ROBO2: variants seen among roughly 807,000 people sequenced by gnomAD.
ROBO2 encodes roundabout guidance receptor 2.
In ROBO2, 53 loss-of-function variants were observed where a neutral mutation model predicts 160.8. The ratio of observed to expected loss-of-function variants is 0.33; its 90% CI spans 0.26 to 0.41. The LOEUF is 0.41. Among genes scored for constraint, ROBO2 ranks in the 10% least tolerant of loss-of-function variants. ROBO2 has a pLI of 1.00. For missense variants in ROBO2, 1,577 were observed against 1,722.4 expected (o/e 0.92, Z 1.49); for synonymous variants, 664 against 611.7 (o/e 1.09, Z -1.26).
intron 2 of ROBO2, among the ~76,000 whole-genome samples, chr3:77,230,159 C>G (rs2086991914): frequency 6.6e-6 from 1 of 152,128 alleles, no homozygotes; most frequent in East Asian, 1.9e-4. Context: ...ATAAGCTCAT[C>G]TCACTGCAGC....
intron 2 of ROBO2, among the ~76,000 whole-genome samples, chr3:76,685,059 T>C (rs891187183): frequency 2.4e-4 from 36 of 151,880 alleles, no homozygotes; most frequent in African/African-American, 8.2e-4. Context: ...ACATAGGACA[T>C]TTTTTCAATA....
At chr3:76,521,450 G>A (rs918109402) in intron 2 of ROBO2, among the ~76,000 whole-genome samples, 8 of 152,152 alleles carry the variant, frequency 5.3e-5, no homozygotes, top group Non-Finnish European at 1.2e-4. Flanking sequence ...GGCCCAAGGA[G>A]AACAGCAGAG....
intron 2 of ROBO2, among the ~76,000 whole-genome samples, chr3:77,296,319 G>C (rs1035470373): frequency 1.5e-4 from 23 of 152,014 alleles, no homozygotes; most frequent in African/African-American, 5.3e-4. Context: ...ATGGTTAAAC[G>C]GGCAAGCTGA....
At chr3:76,421,862 C>T (rs568945995) in intron 2 of ROBO2, among the ~76,000 whole-genome samples, 2 of 152,146 alleles carry the variant, frequency 1.3e-5, no homozygotes, top group East Asian at 3.9e-4. Flanking sequence ...ACATTTAGTC[C>T]CCAATTTTTA....
chr3:76,112,116 C>A (rs1223433860), intron 2 of ROBO2, among the ~76,000 whole-genome samples: 1 of 152,134 alleles, frequency 6.6e-6, no homozygotes, highest in African/African-American at 2.4e-5. Flanking sequence ...GCTTTCTTTG[C>A]CTTTGCTTCC....
chr3:76,432,616 G>A (rs35084548), intron 2 of ROBO2, among the ~76,000 whole-genome samples: 10,226 of 152,156 alleles, frequency 0.067, 380 homozygotes, highest in Non-Finnish European at 0.09. Flanking sequence ...AACCTCTCAC[G>A]ACATAGCAGC....
chr3:76,253,237 G>A (rs372125565), intron 2 of ROBO2, among the ~76,000 whole-genome samples: 1 of 151,972 alleles, frequency 6.6e-6, no homozygotes, highest in African/African-American at 2.4e-5. Context: ...TAAATCTAAT[G>A]TAATGAATAG....
chr3:76,485,737 AC>A (rs1435552624), intron 2 of ROBO2, among the ~76,000 whole-genome samples: 2 of 152,200 alleles, frequency 1.3e-5, no homozygotes, highest in Admixed American at 6.5e-5. Context: ...CAGATTACAT[AC>A]AAAATTTTGC....
chr3:76,758,313 T>C (rs2061103311), intron 2 of ROBO2, among the ~76,000 whole-genome samples: 1 of 151,752 alleles, frequency 6.6e-6, no homozygotes, highest in African/African-American at 2.4e-5. Flanking sequence ...TCTTAAAGAC[T>C]AGATGAGACA....
rs566020472 is a variant in ROBO2 at position 76,833,318 on chromosome 3, G to T, written c.110-264696G>T. 2.6e-5 allele frequency among the ~76,000 whole-genome samples: 4 copies of T among 152,178 alleles called. No homozygotes were observed. The South Asian group carries it at 6.2e-4, about 24-fold the overall frequency. On this transcript the variant is annotated intron_variant, in intron 2 of 26. Transcript: ENST00000487694. ...TTGAAACATGTGACAACTATTGGTG[G>T]CATCACATGCGTAGCCCCCAAAATT...
rs529945172 is a variant in ROBO2, at chr3:76,633,877, A to G, written c.110-464137A>G. On this transcript the variant is annotated intron_variant, in intron 2 of 26. Transcript: ENST00000487694. Reference sequence around the variant, plus strand: ...CCCACAGCCTCAGCTTCTAACTACTATGCCTCACTGATAACCCCAACAAGC... The same window carrying G: ...CCCACAGCCTCAGCTTCTAACTACTGTGCCTCACTGATAACCCCAACAAGC... Among the ~76,000 whole-genome samples the G allele has an allele frequency of 1.0e-3, 155 of 147,626 alleles. 2 individuals are homozygous for G. Among genetic ancestry groups the G allele is most frequent in the Admixed American group, 2.7e-3 (40 of 14,958 alleles).
chr3:76,440,951 C>A (rs1363076281), intron 2 of ROBO2, among the ~76,000 whole-genome samples: 1 of 152,152 alleles, frequency 6.6e-6, no homozygotes, highest in East Asian at 1.9e-4. Context: ...TCTAGCCTAA[C>A]TCCCAGCACA....
intron 1 of ROBO2, among the ~76,000 whole-genome samples, chr3:75,933,554 C>G (rs1410922483): frequency 6.6e-6 from 1 of 151,468 alleles, no homozygotes; most frequent in East Asian, 1.9e-4. Flanking sequence ...GAAAAACTGA[C>G]ACTAGAAGCT....
chr3:76,365,056 G>C (rs2075734033), intron 2 of ROBO2, among the ~76,000 whole-genome samples: 1 of 149,206 alleles, frequency 6.7e-6, no homozygotes, highest in African/African-American at 2.5e-5. Context: ...CCAGCTGAGT[G>C]ATTTTCTAAT....
chr3:76,848,262 C>T (rs1174825287), intron 2 of ROBO2, among the ~76,000 whole-genome samples: 5 of 152,156 alleles, frequency 3.3e-5, no homozygotes, highest in African/African-American at 7.2e-5. Context: ...TCTGGGATGT[C>T]TCATAGCCTT....
chr3:76,740,387 A>G (rs966907056), intron 2 of ROBO2, among the ~76,000 whole-genome samples: 2 of 152,150 alleles, frequency 1.3e-5, no homozygotes, highest in South Asian at 4.1e-4. Flanking sequence ...TCTGTGTGGA[A>G]TGTATTGAGA....
At chr3:77,093,378 C>A (rs765931670) in intron 1 of ROBO2, among the ~76,000 whole-genome samples, 1 of 152,008 alleles carries the variant, frequency 6.6e-6, no homozygotes, top group Non-Finnish European at 1.5e-5. Context: ...GTTCTCAGTC[C>A]CCAGTGAGTT....
At chr3:77,447,485 A>G (rs1487267304) in intron 2 of ROBO2, among the ~76,000 whole-genome samples, 10 of 152,146 alleles carry the variant, frequency 6.6e-5, no homozygotes, top group Admixed American at 6.6e-4. Context: ...GCTTAATGTA[A>G]TAGGCTTTTG....
intron 2 of ROBO2, among the ~76,000 whole-genome samples, chr3:76,131,808 A>G (rs1366498049): frequency 6.6e-6 from 1 of 152,134 alleles, no homozygotes; most frequent in East Asian, 1.9e-4. Context: ...ATTATTCCCA[A>G]TGTGTGGATT....
Sources: gnomAD v4.1 joint callset for allele counts (sites outside exome capture counted in the v4.1 genomes callset) on GRCh38, gnomAD v4.1.1 for gene constraint, MANE v1.5 for transcripts, NCBI Gene and HGNC (gene_info 2026-07-23, HGNC 2026-07-21) for gene names.